ROS1: variants seen among roughly 807,000 people sequenced by gnomAD.
ROS1 encodes the protein proto-oncogene tyrosine-protein kinase ROS.
ROS1 carries 263 observed loss-of-function variants against 273.5 expected under a neutral mutation model. The ratio of observed to expected loss-of-function variants is 0.96; its 90% CI spans 0.87 to 1.06. ROS1 has a LOEUF of 1.06. Ranked by LOEUF, ROS1 falls within the 50% of genes least tolerant of loss-of-function variation. The pLI is 0.00. For synonymous variants in ROS1, 1,008 were observed against 954.1 expected, an observed-to-expected ratio of 1.06 and a Z score of -1.04; for missense variants, 2,833 against 2,751.1, an observed-to-expected ratio of 1.03 and a Z score of -0.67.
intron 33 of ROS1, among the ~76,000 whole-genome samples, chr6:117,327,992 C>T (rs763239235): frequency 6.6e-6 from 1 of 152,132 alleles, no homozygotes; most frequent in Non-Finnish European, 1.5e-5. Context: ...ACAAGCAGTC[C>T]CGCTGATACG....
intron 43 of ROS1, among the ~76,000 whole-genome samples, chr6:117,299,147 G>A (rs1264610950): frequency 6.6e-6 from 1 of 152,210 alleles, no homozygotes; most frequent in Non-Finnish European, 1.5e-5. Flanking sequence ...TTACTCTAAT[G>A]AGGGTTATGA....
At chr6:117,305,335 G>A (rs1775022707) in intron 42 of ROS1, among the ~76,000 whole-genome samples, 1 of 152,146 alleles carries the variant, frequency 6.6e-6, no homozygotes, top group Non-Finnish European at 1.5e-5. Flanking sequence ...AGAGGAAGGT[G>A]GGGGAAAAAG....
Position 117,425,646 on chromosome 6 carries a change from A to G in ROS1, c.11T>C (p.Ile4Thr). The stretch of plus-strand genomic sequence containing the variant: ...GACAAGCTTCGGAATAAGACAGTAA[A>G]TGTTCTTCATCACTTCACCAATGGC... MKN[I>T]YCLIPKLVNF... Residue 4 changes from isoleucine (I) to threonine (T), a missense_variant, in exon 1 of 44, where the codon ATT (isoleucine) becomes ACT (threonine). By Grantham distance (89) the Ile-to-Thr change is moderately conservative. Coordinates refer to ENST00000368507, the MANE Select transcript of ROS1 (RefSeq NM_001378902.1). 1 of 1,611,318 alleles carries G rather than the reference A, an allele frequency of 6.2e-7. No homozygotes were observed. Among genetic ancestry groups the G allele is most frequent in the Non-Finnish European group, 8.5e-7 (1 of 1,179,086 alleles).
chr6:117,342,251 A>C, intron 29 of ROS1, 149 bp downstream of exon 29: 1 of 723,692 alleles, frequency 1.4e-6, no homozygotes, highest in Non-Finnish European at 2.2e-6. Context: ...GTCAGGTCAA[A>C]GTTTTCTACA....
At chr6:117,324,264 A>G in intron 35 of ROS1, 68 bp downstream of exon 35, 1 of 756,196 alleles carries the variant, frequency 1.3e-6, no homozygotes, top group Non-Finnish European at 2.3e-6. Flanking sequence ...ATCAACTAAG[A>G]GATAAATCAA....
chr6:117,409,723 C>T (rs531711886), intron 4 of ROS1, 81 bp from the exon 5 acceptor site: 101 of 1,063,058 alleles, frequency 9.5e-5, no homozygotes, highest in Middle Eastern at 2.0e-4. Context: ...TTTTAAAATC[C>T]GAATGCCTAA....
rs1776553467 is a variant in ROS1, at chr6:117,325,271, GA to G, written c.5540-857del. The stretch of plus-strand genomic sequence containing the variant: ...TCATTTAAGTCTTGAAGGATGAGAA[GA>G]ATTTCAATTGGCAGAAAATAAATAA... On this transcript the variant is annotated intron_variant, in intron 34 of 43. Coordinates refer to ENST00000368507, the MANE Select transcript of ROS1 (RefSeq NM_001378902.1). Among the ~76,000 whole-genome samples, 5 of 152,118 alleles carry G rather than the reference GA, an allele frequency of 3.3e-5. No homozygotes were observed. In the South Asian group the frequency reaches 1.0e-3, roughly 32 times the overall value.
intron 31 of ROS1, among the ~76,000 whole-genome samples, chr6:117,340,807 A>G (rs1020399934): frequency 6.6e-5 from 10 of 150,666 alleles, no homozygotes; most frequent in African/African-American, 2.4e-4. Context: ...GTTCTTTTTC[A>G]TTTTTTTTTC....
In ROS1 at chr6:117,383,349, G is replaced by A. The variant is rs2128692521; in HGVS notation, c.2449C>T (p.Leu817=). The A allele has an allele frequency of 6.2e-7, 1 of 1,614,008 alleles. No individual in the cohort carries two copies. Among genetic ancestry groups the A allele is most frequent in the Non-Finnish European group, 8.5e-7 (1 of 1,179,914 alleles). Residue 817 remains leucine (L), a synonymous_variant, in exon 17 of 44, where the codon CTA becomes TTA. Transcript: ENST00000368507. ...CCAGAAAACCAAGGCTGTGTCTGTA[G>A]TACAAGGGAACTTTCCCCATTTAGT... ...TRLNGESSLV[L]QTQPWFSGKK...
intron 37 of ROS1, among the ~76,000 whole-genome samples, chr6:117,318,865 T>G (rs977980496): frequency 1.3e-5 from 2 of 152,104 alleles, no homozygotes; most frequent in African/African-American, 4.8e-5. Flanking sequence ...CTTGGAACAA[T>G]GAGGCAGCAA....
chr6:117,396,367 G>C, intron 8 of ROS1, 103 bp from the exon 9 acceptor site: 1 of 808,666 alleles, frequency 1.2e-6, no homozygotes. Flanking sequence ...GGGTGATGTG[G>C]CAATGCATGA....
intron 15 of ROS1, 74 bp downstream of exon 15, chr6:117,386,815 G>T: frequency 2.8e-6 from 2 of 718,700 alleles, no homozygotes; most frequent in Non-Finnish European, 4.7e-6. Context: ...CTATTCTTTT[G>T]ATTCATTGAA....
In ROS1 at chr6:117,349,699, A is replaced by G. The variant is rs111271004; in HGVS notation, c.4303+3291T>C. ...TTGTGGTTTTATTTGAGCATTCTAA[A>G]TGATTCTATTTACTCTCCTTTCTTG... On this transcript the variant is annotated intron_variant, in intron 27 of 43. Transcript: ENST00000368507. Among the ~76,000 whole-genome samples the G allele has an allele frequency of 9.4e-3, 1,431 of 152,014 alleles. 24 individuals are homozygous for G. Among genetic ancestry groups the G allele is most frequent in the African/African-American group, 0.032 (1,319 of 41,522 alleles).
In ROS1 at chr6:117,329,419, G is replaced by A. The variant is rs2128593532; in HGVS notation, c.5258C>T (p.Pro1753Leu). The A allele has an allele frequency of 6.3e-7, 1 of 1,595,738 alleles. No homozygotes were observed. The change falls in exon 33 of 44, where the codon CCC becomes CTC. Residue 1753 changes from proline to leucine, a missense_variant. Physicochemically the swap from Pro to Leu is moderately conservative, Grantham distance 98. Transcript: ENST00000368507. ...KAGVPNKPGI[P>L]KLLEGSKNSI... ...ATTTTTACTCCCTTCTAGTAATTTG[G>A]GAATGCCTGGTTTATTTGGGACTCC...
chr6:117,348,265 G>T (rs78138666), intron 27 of ROS1, among the ~76,000 whole-genome samples: 14,356 of 151,990 alleles, frequency 0.094, 864 homozygotes, highest in Middle Eastern at 0.14. Flanking sequence ...TTATTTAATA[G>T]ATGTGGACAT....
intron 1 of ROS1, among the ~76,000 whole-genome samples, chr6:117,420,744 T>C (rs1436220806): frequency 1.3e-5 from 2 of 152,058 alleles, no homozygotes; most frequent in Non-Finnish European, 2.9e-5. Context: ...AGTAGGATAA[T>C]ACTTAATTCA....
At chr6:117,336,894 G>A (rs569287971) in intron 32 of ROS1, among the ~76,000 whole-genome samples, 1 of 152,034 alleles carries the variant, frequency 6.6e-6, no homozygotes, top group East Asian at 1.9e-4. Context: ...TTTTCATATA[G>A]TTATCACCAT....
intron 4 of ROS1, among the ~76,000 whole-genome samples, chr6:117,412,016 G>A (rs1178571613): frequency 2.0e-5 from 3 of 152,148 alleles, no homozygotes; most frequent in Non-Finnish European, 4.4e-5. Flanking sequence ...GAGGAGCTGG[G>A]CTTGCAGAGA....
rs1776272603 is a variant in ROS1, at chr6:117,321,292, C to A, written c.5726G>T (p.Gly1909Val). 1 of 1,613,856 alleles carries A rather than the reference C, an allele frequency of 6.2e-7. No individual in the cohort carries two copies. Among genetic ancestry groups the A allele is most frequent in the East Asian group, 2.2e-5 (1 of 44,860 alleles). ...ATAGCAGGCATTAGCCAGGCCTACT[C>A]CGGCTGCCAGACCTCGCAGCTCAGC... ...ELAELRGLAA[G>V]VGLANACYAI... Residue 1909 changes from glycine (G) to valine (V), a missense_variant, in exon 36 of 44, where the codon GGA (glycine) becomes GTA (valine). Physicochemically the swap from Gly to Val is moderately radical, Grantham distance 109 (BLOSUM62 -3). Coordinates refer to ENST00000368507, the MANE Select transcript of ROS1 (RefSeq NM_001378902.1).
Sources: gnomAD v4.1 joint callset for allele counts (sites outside exome capture counted in the v4.1 genomes callset) on GRCh38, gnomAD v4.1.1 for gene constraint, MANE v1.5 for transcripts, NCBI Gene and HGNC (gene_info 2026-07-23, HGNC 2026-07-21) for gene names.